Variants in DNAH12 observed in about 807,000 individuals in gnomAD.
The protein encoded by DNAH12 is dynein axonemal heavy chain 12, also known as axonemal beta dynein heavy chain 12.
DNAH12 carries 285 observed loss-of-function variants against 371.5 expected under a neutral mutation model. That is an observed-to-expected ratio of 0.77 (90% CI 0.70 to 0.85). The LOEUF (loss-of-function observed/expected upper bound fraction) is 0.85, where lower values mean the gene tolerates loss of function less well. Ranked by LOEUF, DNAH12 falls within the 40% of genes least tolerant of loss-of-function variation. The pLI is 0.00. For missense variants in DNAH12, 3,611 were observed against 3,689.4 expected (o/e 0.98, Z 0.55); for synonymous variants, 1,200 against 1,213.0 (o/e 0.99, Z 0.22).
At chr3:57,488,623 T>A (rs1356627609) in intron 12 of DNAH12, among the ~76,000 whole-genome samples, 2 of 152,176 alleles carry the variant, frequency 1.3e-5, no homozygotes, top group Non-Finnish European at 2.9e-5. Context: ...TTCCAAAGCA[T>A]GCAATTTTTT....
chr3:57,554,402 T>C, the DNAH12 span, among the ~76,000 whole-genome samples: 99 of 151,958 alleles, frequency 6.5e-4, 1 homozygote, highest in African/African-American at 2.2e-3. Context: ...TTCAAGAAAA[T>C]GAAAATTAAA....
intron 36 of DNAH12, among the ~76,000 whole-genome samples, chr3:57,419,980 TG>T (rs1479969285): frequency 6.6e-6 from 1 of 152,208 alleles, no homozygotes; most frequent in Non-Finnish European, 1.5e-5. Context: ...TTAAAACAAA[TG>T]GGCAATAATC....
intron 60 of DNAH12, among the ~76,000 whole-genome samples, chr3:57,341,242 C>A (rs1219955531): frequency 6.7e-6 from 1 of 148,342 alleles, no homozygotes; most frequent in East Asian, 2.0e-4. Flanking sequence ...TACTGAAAGT[C>A]TTAGCCAGAG....
At chr3:57,525,072 A>G (rs574401186) in intron 2 of DNAH12, among the ~76,000 whole-genome samples, 1 of 150,110 alleles carries the variant, frequency 6.7e-6, no homozygotes, top group East Asian at 2.0e-4. Flanking sequence ...AAAAAATTGT[A>G]GGGTGTCAAG....
At chr3:57,434,562 C>T (rs529560137) in intron 30 of DNAH12, among the ~76,000 whole-genome samples, 4 of 151,920 alleles carry the variant, frequency 2.6e-5, no homozygotes, top group African/African-American at 9.7e-5. Flanking sequence ...GAAGTTGGTA[C>T]CTAGAAGAGG....
At chr3:57,454,146 A>C (rs1372926495) in intron 23 of DNAH12, among the ~76,000 whole-genome samples, 1 of 151,898 alleles carries the variant, frequency 6.6e-6, no homozygotes, top group African/African-American at 2.4e-5. Flanking sequence ...GGAGAAATGA[A>C]TTTTGTGAGT....
intron 2 of DNAH12, among the ~76,000 whole-genome samples, chr3:57,535,063 C>T (rs767803743): frequency 9.9e-5 from 15 of 152,122 alleles, no homozygotes; most frequent in Non-Finnish European, 1.0e-4. Context: ...TCCATATTAC[C>T]GATAGGAACA....
chr3:57,519,074 A>T (rs1470551), intron 4 of DNAH12, among the ~76,000 whole-genome samples: 134,126 of 152,278 alleles, frequency 0.88, 59,628 homozygotes, highest in African/African-American at 0.96. Flanking sequence ...ATTGTCACTG[A>T]TTTTTATTTC....
Position 57,437,030 on chromosome 3 carries a change from T to C in DNAH12, c.4576A>G (p.Asn1526Asp). 1.3e-6 allele frequency: 2 copies of C among 1,519,294 alleles called. No homozygotes were observed. The highest frequency in any genetic ancestry group is 2.5e-5 in the East Asian group (1 of 40,076). The allele number at this position is 1,519,294 out of a possible 1,614,324, so 94.1% of individuals were successfully genotyped here. A position where few individuals can be genotyped will look rare whatever the true frequency, so the allele number is the denominator to read the frequency against. The change falls in exon 30 of 74, where the codon AAT (asparagine) becomes GAT (aspartate). Residue 1526 changes from asparagine (N) to aspartate (D), a missense_variant. Physicochemically the swap from Asn to Asp is conservative, Grantham distance 23. Transcript: ENST00000495027. ...TTAACAGGCTGAAGATTATGTACAT[T>C]GCAGGCTTCATGAGCACATTCCAAA... ...EFLECAHEAC[N>D]VHNLQPVKFF...
intron 17 of DNAH12, among the ~76,000 whole-genome samples, chr3:57,466,607 A>T (rs1423924331): frequency 6.6e-6 from 1 of 152,184 alleles, no homozygotes; most frequent in Non-Finnish European, 1.5e-5. Context: ...ACAAGTGGCT[A>T]AATATCTTGC....
At chr3:57,346,249 T>C (rs2153318192) in intron 60 of DNAH12, among the ~76,000 whole-genome samples, 1 of 152,208 alleles carries the variant, frequency 6.6e-6, no homozygotes, top group Non-Finnish European at 1.5e-5. Flanking sequence ...ATGTATTTGG[T>C]GACTATAGCT....
At chr3:57,514,014 T>C (rs1250218780) in intron 4 of DNAH12, among the ~76,000 whole-genome samples, 1 of 152,190 alleles carries the variant, frequency 6.6e-6, no homozygotes, top group Non-Finnish European at 1.5e-5. Context: ...GATGCATACA[T>C]TCGTGTTCTG....
chr3:57,303,051 C>T (rs1015464346), intron 69 of DNAH12, among the ~76,000 whole-genome samples: 43 of 151,680 alleles, frequency 2.8e-4, no homozygotes, highest in African/African-American at 1.0e-3. Flanking sequence ...TTAAAAAATA[C>T]CCACTCAACT....
At chr3:57,447,095 T>C (rs959110174) in intron 25 of DNAH12, among the ~76,000 whole-genome samples, 12 of 152,186 alleles carry the variant, frequency 7.9e-5, no homozygotes, top group Admixed American at 5.9e-4. Context: ...GCACCCATGA[T>C]TGGGAAAAGA....
intron 11 of DNAH12, among the ~76,000 whole-genome samples, chr3:57,500,213 G>A (rs1330873310): frequency 6.6e-6 from 1 of 151,914 alleles, no homozygotes; most frequent in African/African-American, 2.4e-5. Context: ...GCTAATTCTT[G>A]TATTTTTAGT....
At chr3:57,369,770 T>C (rs2063131366) in intron 55 of DNAH12, among the ~76,000 whole-genome samples, 1 of 152,186 alleles carries the variant, frequency 6.6e-6, no homozygotes, top group Non-Finnish European at 1.5e-5. Context: ...CATGTCTTTA[T>C]TATTGGAAAA....
At chr3:57,480,669 A>C (rs2153383150) in intron 13 of DNAH12, among the ~76,000 whole-genome samples, 1 of 152,238 alleles carries the variant, frequency 6.6e-6, no homozygotes, top group East Asian at 1.9e-4. Context: ...AAAAATCCTC[A>C]CTAAAATACT....
Position 57,525,679 on chromosome 3 carries a change from TTA to T in DNAH12, c.171-1797_171-1796del, listed in dbSNP as rs539075540. Among the ~76,000 whole-genome samples, 138 of 152,140 alleles carry T rather than the reference TTA, an allele frequency of 9.1e-4. 1 individual carries two copies. Among genetic ancestry groups the T allele is most frequent in the African/African-American group, 3.3e-3 (135 of 41,524 alleles). ...TGTTACAAACAATTCAATTATACTT[TTA>T]GTTATTTTAAAATGTACAATTAAAT... On this transcript the variant is annotated intron_variant, in intron 2 of 73. Coordinates refer to ENST00000495027, the MANE Select transcript of DNAH12 (RefSeq NM_001366028.2).
chr3:57,302,883 A>AGC (rs1321055369), intron 69 of DNAH12, among the ~76,000 whole-genome samples: 1 of 151,170 alleles, frequency 6.6e-6, no homozygotes, highest in Non-Finnish European at 1.5e-5. Context: ...GCCAGGTAGC[A>AGC]GAAAAATGAC....
Sources: allele counts gnomAD v4.1 joint callset (sites outside exome capture counted in the v4.1 genomes callset), GRCh38; gene constraint gnomAD v4.1.1; transcripts MANE v1.5; gene names NCBI Gene and HGNC (gene_info 2026-07-23, HGNC 2026-07-21).